LOXL4: variants seen among roughly 807,000 people sequenced by gnomAD.
LOXL4 encodes the protein lysyl oxidase like 4, also known as lysyl oxidase homolog 4.
LOXL4 carries 72 observed loss-of-function variants against 89.1 expected under a neutral mutation model. The observed-to-expected ratio is 0.81, with a 90% CI of 0.67 to 0.98. LOXL4 has a LOEUF of 0.98. Ranked by LOEUF, LOXL4 falls within the 50% of genes least tolerant of loss-of-function variation. The pLI is 0.00. For missense variants in LOXL4, 984 were observed against 1,017.5 expected, an observed-to-expected ratio of 0.97 and a Z score of 0.45; for synonymous variants, 355 against 392.1, an observed-to-expected ratio of 0.91 and a Z score of 1.12.
chr10:98,260,387 G>A (rs369952793), intron 4 of LOXL4, among the ~76,000 whole-genome samples: 7 of 151,894 alleles, frequency 4.6e-5, no homozygotes, highest in South Asian at 2.1e-4. Flanking sequence ...AACTCTACAC[G>A]TGGGTGTCAC....
At position 98,263,069 on chromosome 10, in the gene LOXL4, A is replaced by G. The variant is rs765548055; in HGVS notation, c.-32-18T>C. 1.3e-6 allele frequency: 2 copies of G among 1,587,572 alleles called. No individual in the cohort carries two copies. The highest frequency in any genetic ancestry group is 3.4e-5 in the Admixed American group (2 of 59,362). On this transcript the variant is annotated intron_variant, in intron 1 of 14. Transcript: ENST00000260702. ...CAAGATACCTGAGGAATGAGTAAAC[A>G]TGACAGTGATCACCACCTCTACCCA...
At chr10:98,258,205 G>A (rs1276482127) in intron 6 of LOXL4, 41 bp from the exon 7 acceptor site, 1 of 1,567,408 alleles carries the variant, frequency 6.4e-7, no homozygotes, top group South Asian at 1.2e-5. Flanking sequence ...TGAGGAGGAG[G>A]CACCAGCAGG....
intron 1 of LOXL4, among the ~76,000 whole-genome samples, chr10:98,265,163 G>A (rs1456992842): frequency 2.0e-5 from 3 of 152,226 alleles, no homozygotes; most frequent in Non-Finnish European, 4.4e-5. Context: ...TGAGAGCACA[G>A]GCTGGGCGGT....
At chr10:98,250,242 A>G (rs955268913) in intron 14 of LOXL4, among the ~76,000 whole-genome samples, 1 of 152,082 alleles carries the variant, frequency 6.6e-6, no homozygotes, top group African/African-American at 2.4e-5. Context: ...ATCAAATACT[A>G]CTTCTGTGAA....
chr10:98,262,616 C>T, intron 2 of LOXL4, 127 bp downstream of exon 2: 1 of 1,216,544 alleles, frequency 8.2e-7, no homozygotes, highest in African/African-American at 1.5e-5. Context: ...CTGAGGCACT[C>T]AGGAAATGCC....
chr10:98,263,407 A>G (rs774747527), intron 1 of LOXL4, among the ~76,000 whole-genome samples: 1 of 152,236 alleles, frequency 6.6e-6, no homozygotes, highest in Non-Finnish European at 1.5e-5. Context: ...TGGTGAGTAC[A>G]CAATAAACAG....
Position 98,253,797 on chromosome 10 carries a change from C to T in LOXL4, c.1592-1G>A. On this transcript the variant is annotated splice_acceptor_variant, in intron 10 of 14. Transcript: ENST00000260702. LOFTEE classifies it high-confidence loss of function. The stretch of plus-strand genomic sequence containing the variant: ...GCGTTCATCACCAGGTCTGGTGCAC[C>T]TGGGGCGGCGGAGGGCATGGCAGTG... The T allele has an allele frequency of 6.2e-6, 10 of 1,613,846 alleles. No individual in the cohort carries two copies. The highest frequency in any genetic ancestry group is 2.2e-5 in the South Asian group (2 of 91,064).
chr10:98,265,536 T>C (rs1858662477), intron 1 of LOXL4, among the ~76,000 whole-genome samples: 1 of 129,762 alleles, frequency 7.7e-6, no homozygotes, highest in African/African-American at 2.8e-5. Context: ...CCCAAGTAGC[T>C]GGGATTACAG....
At chr10:98,264,553 CAGAG>C (rs1858633078) in intron 1 of LOXL4, among the ~76,000 whole-genome samples, 1 of 151,772 alleles carries the variant, frequency 6.6e-6, no homozygotes, top group Admixed American at 6.6e-5. Flanking sequence ...AGGCGGTAAA[CAGAG>C]AGGGCCCCTG....
intron 10 of LOXL4, among the ~76,000 whole-genome samples, chr10:98,254,960 A>G (rs1858313236): frequency 1.3e-5 from 2 of 152,242 alleles, no homozygotes; most frequent in Non-Finnish European, 2.9e-5. Flanking sequence ...GGTTGATGCT[A>G]TCTGTAACCT....
In LOXL4 at chr10:98,253,462, CT is replaced by C. The variant is rs1858262320; in HGVS notation, c.1835+90del. On this transcript the variant is annotated intron_variant, in intron 11 of 14. Coordinates refer to ENST00000260702, the MANE Select transcript of LOXL4 (RefSeq NM_032211.7). ...AGAGCGCACACCCCTCCCAGGAAAA[CT>C]TGCCTGTGGCCAGGGAAGGGCCAAA... The C allele has an allele frequency of 4.4e-6, 7 of 1,578,818 alleles. No individual in the cohort carries two copies. The South Asian group carries it at 6.9e-5, about 16-fold the overall frequency.
rs1193437138 is a variant in LOXL4 at position 98,247,896 on chromosome 10, ACTGTTCC to A, written c.*1018_*1024del. ...CCAGGTTCCATCCTTAACTAAACTG[ACTGTTCC>A]CCCTTCTGATTTCTCCACGGTCTTC... On this transcript the variant is annotated 3_prime_UTR_variant, in exon 15 of 15. Coordinates refer to ENST00000260702, the MANE Select transcript of LOXL4 (RefSeq NM_032211.7). 1 of 152,114 alleles carries A rather than the reference ACTGTTCC, an allele frequency of 6.6e-6. No homozygotes were observed. Among genetic ancestry groups the A allele is most frequent in the Non-Finnish European group, 1.5e-5 (1 of 68,042 alleles). 9.4% of individuals were successfully genotyped at this position (152,114 alleles called of 1,614,324 possible). A position where few individuals can be genotyped will look rare whatever the true frequency, so the allele number is the denominator to read the frequency against.
At position 98,258,998 on chromosome 10, in the gene LOXL4, C is replaced by A; in HGVS notation, c.921+11G>T. 6.6e-7 allele frequency: 1 copy of A among 1,522,796 alleles called. No individual in the cohort carries two copies. Among genetic ancestry groups the A allele is most frequent in the South Asian group, 1.2e-5 (1 of 81,460 alleles). The allele number at this position is 1,522,796 out of a possible 1,614,324, so 94.3% of individuals were successfully genotyped here. On this transcript the variant is annotated intron_variant, in intron 6 of 14. Coordinates refer to ENST00000260702, the MANE Select transcript of LOXL4 (RefSeq NM_032211.7). ...AAGCTGTGGTGTGAGTGCAGGATGC[C>A]CAGGGCTCACCTCTGCCCAGGACCC... is the stretch of plus-strand genomic sequence containing the variant.
intron 5 of LOXL4, 60 bp downstream of exon 5, chr10:98,259,331 G>A: frequency 6.3e-7 from 1 of 1,591,778 alleles, no homozygotes; most frequent in Non-Finnish European, 8.6e-7. Flanking sequence ...GTAGGGGATG[G>A]GATAGAGGCC....
In LOXL4 at chr10:98,261,074, C is replaced by T. The variant is rs1204186458; in HGVS notation, c.510G>A (p.Gln170=). The T allele has an allele frequency of 6.2e-7, 1 of 1,613,830 alleles. No homozygotes were observed. Among genetic ancestry groups the T allele is most frequent in the Non-Finnish European group, 8.5e-7 (1 of 1,180,032 alleles). ...RLKPILASAK[Q]HSPVTEGAVE... Reference sequence around the variant, plus strand: ...CGGCTCCCTCGGTCACTGGGCTATGCTGCTTGGCACTGGCAAGGATGGGCT... The same window carrying T: ...CGGCTCCCTCGGTCACTGGGCTATGTTGCTTGGCACTGGCAAGGATGGGCT... Residue 170 remains glutamine (Q), a synonymous_variant, in exon 4 of 15, where the codon CAG becomes CAA. Coordinates refer to ENST00000260702, the MANE Select transcript of LOXL4 (RefSeq NM_032211.7).
intron 11 of LOXL4, 151 bp downstream of exon 11, chr10:98,253,402 G>A: frequency 1.9e-6 from 2 of 1,080,034 alleles, no homozygotes; most frequent in South Asian, 2.9e-5. Flanking sequence ...GGATGCCGCT[G>A]TCCTCACTGC....
intron 9 of LOXL4, 44 bp downstream of exon 9, chr10:98,256,736 A>G: frequency 1.2e-6 from 2 of 1,611,442 alleles, no homozygotes; most frequent in Non-Finnish European, 1.7e-6. Flanking sequence ...GCCTCAGAAC[A>G]GGAGGGTGAG....
At chr10:98,267,901 C>G (rs1009703281) in intron 1 of LOXL4, among the ~76,000 whole-genome samples, 1 of 152,184 alleles carries the variant, frequency 6.6e-6, no homozygotes, top group Non-Finnish European at 1.5e-5. Context: ...CCTGGGCGCA[C>G]CACTCAGGGC....
chr10:98,255,900 T>C, intron 9 of LOXL4, 161 bp from the exon 10 acceptor site: 1 of 750,640 alleles, frequency 1.3e-6, no homozygotes, highest in Non-Finnish European at 2.1e-6. Flanking sequence ...GGGCAGTCCA[T>C]GACACATTTG....
Sources: allele counts gnomAD v4.1 joint callset (sites outside exome capture counted in the v4.1 genomes callset), GRCh38; gene constraint gnomAD v4.1.1; transcripts MANE v1.5; gene names NCBI Gene and HGNC (gene_info 2026-07-23, HGNC 2026-07-21).